Variants in ATP10B observed in about 807,000 individuals in gnomAD.
ATP10B encodes the protein ATPase phospholipid transporting 10B (putative).
Under a neutral mutation model 141.2 loss-of-function variants are expected in ATP10B, and 122 were observed. The ratio of observed to expected loss-of-function variants is 0.86; its 90% confidence interval spans 0.75 to 1.00. The LOEUF (loss-of-function observed/expected upper bound fraction) is 1.00. ATP10B is among the 50% of genes least tolerant of loss of function. The pLI is 0.00. For synonymous variants in ATP10B, 685 were observed against 692.0 expected (o/e 0.99, Z 0.16); for missense variants, 1,876 against 1,825.3 (o/e 1.03, Z -0.51).
intron 7 of ATP10B, among the ~76,000 whole-genome samples, chr5:160,664,303 G>A (rs1050422988): frequency 6.6e-6 from 1 of 152,162 alleles, no homozygotes; most frequent in Non-Finnish European, 1.5e-5. Flanking sequence ...GAACTGGGAA[G>A]GTAATAAATT....
intron 2 of ATP10B, among the ~76,000 whole-genome samples, chr5:160,724,115 G>A (rs1459242138): frequency 1.3e-5 from 2 of 152,046 alleles, no homozygotes; most frequent in Non-Finnish European, 2.9e-5. Flanking sequence ...CATACACTGG[G>A]GCCTATCGGA....
At chr5:160,568,790 C>CCAAGGCAAGG (rs759161795) in intron 25 of ATP10B, among the ~76,000 whole-genome samples, 4 of 152,098 alleles carry the variant, frequency 2.6e-5, no homozygotes, top group Admixed American at 1.3e-4. Context: ...AGAGTGAGCT[C>CCAAGGCAAGG]CAAGGCAAGG....
intron 1 of ATP10B, among the ~76,000 whole-genome samples, chr5:160,836,820 G>C (rs28688084): frequency 0.02 from 3,000 of 152,062 alleles, 103 homozygotes; most frequent in African/African-American, 0.066. Flanking sequence ...TTCATACCCA[G>C]TCTCTATCCA....
At chr5:160,893,273 G>A in the ATP10B span, among the ~76,000 whole-genome samples, 1 of 152,136 alleles carries the variant, frequency 6.6e-6, no homozygotes, top group Non-Finnish European at 1.5e-5. Flanking sequence ...CCCCTACAGA[G>A]CCAAACAAGC....
the ATP10B span, among the ~76,000 whole-genome samples, chr5:160,868,681 T>C: frequency 1.3e-5 from 2 of 152,074 alleles, no homozygotes; most frequent in African/African-American, 4.8e-5. Flanking sequence ...CCCCAAGTTC[T>C]GGGAAGGTAA....
intron 2 of ATP10B, among the ~76,000 whole-genome samples, chr5:160,753,249 A>G (rs1317582765): frequency 6.6e-6 from 1 of 152,154 alleles, no homozygotes. Flanking sequence ...CATACATACC[A>G]TGGGTGCAAC....
chr5:160,919,426 C>T, the ATP10B span, among the ~76,000 whole-genome samples: 1 of 151,944 alleles, frequency 6.6e-6, no homozygotes, highest in Non-Finnish European at 1.5e-5. Context: ...GTACTCAATC[C>T]AGTGGGAAGG....
At chr5:160,858,479 G>C in the ATP10B span, among the ~76,000 whole-genome samples, 18 of 151,820 alleles carry the variant, frequency 1.2e-4, 1 homozygote, top group Non-Finnish European at 2.4e-4. Flanking sequence ...TGTAAACTGT[G>C]TTCCTTGGAG....
intron 11 of ATP10B, among the ~76,000 whole-genome samples, chr5:160,635,349 G>T (rs60713557): frequency 0.012 from 1,805 of 152,150 alleles, 41 homozygotes; most frequent in African/African-American, 0.041. Context: ...GAGTGAGGAG[G>T]GGGAGAGGGC....
chr5:160,843,455 A>G (rs374181646), intron 1 of ATP10B, among the ~76,000 whole-genome samples: 1 of 152,158 alleles, frequency 6.6e-6, no homozygotes. Flanking sequence ...TTAGATGTCA[A>G]CAAAGAGGAG....
intron 22 of ATP10B, among the ~76,000 whole-genome samples, chr5:160,593,240 C>G (rs1005141453): frequency 6.6e-6 from 1 of 152,228 alleles, no homozygotes. Flanking sequence ...AACAATCAGA[C>G]AGCAGCATTC....
At chr5:160,778,607 G>A (rs1047040187) in intron 2 of ATP10B, among the ~76,000 whole-genome samples, 5 of 152,100 alleles carry the variant, frequency 3.3e-5, no homozygotes, top group African/African-American at 1.2e-4. Context: ...TCAGCTCTGG[G>A]CAAGACAATC....
At chr5:160,766,779 T>G (rs1769470345) in intron 2 of ATP10B, among the ~76,000 whole-genome samples, 1 of 152,186 alleles carries the variant, frequency 6.6e-6, no homozygotes, top group South Asian at 2.1e-4. Flanking sequence ...GATCTTAGAA[T>G]AAATAATCAT....
chr5:160,648,470 A>G (rs968096590), intron 8 of ATP10B, among the ~76,000 whole-genome samples: 3 of 152,190 alleles, frequency 2.0e-5, no homozygotes, highest in African/African-American at 7.2e-5. Context: ...ATTTACTCAC[A>G]TCTGTTACTA....
rs542360142 is a variant in ATP10B, at chr5:160,795,569, GAAT to G, written c.-575-9769_-575-9767del. ...CCATGTGCCAATCTTTGGAACCTATGAATTTTTTTTTTTTAATTTGGGAAAAGG... is the reference window on the plus strand; with the variant it reads ...CCATGTGCCAATCTTTGGAACCTATGTTTTTTTTTTTAATTTGGGAAAAGG... On this transcript the variant is annotated intron_variant, in intron 1 of 25. Coordinates refer to ENST00000327245, the MANE Select transcript of ATP10B (RefSeq NM_025153.3). 5.8e-4 allele frequency among the ~76,000 whole-genome samples: 32 copies of G among 55,500 alleles called. No homozygotes were observed. The South Asian group carries it at 0.029, about 50-fold the overall frequency. 36.4% of individuals were successfully genotyped at this position (55,500 alleles called of 152,430 possible).
chr5:160,680,842 G>A (rs543658915), intron 6 of ATP10B, among the ~76,000 whole-genome samples: 1 of 152,314 alleles, frequency 6.6e-6, no homozygotes, highest in East Asian at 1.9e-4. Flanking sequence ...ACTGAGATGT[G>A]AGGAGGCTCT....
intron 18 of ATP10B, among the ~76,000 whole-genome samples, chr5:160,608,551 G>T (rs927176008): frequency 1.3e-5 from 2 of 152,168 alleles, no homozygotes; most frequent in African/African-American, 4.8e-5. Context: ...CACCGATAGT[G>T]TAAAAGCATT....
At chr5:160,750,257 A>G (rs560130847) in intron 2 of ATP10B, among the ~76,000 whole-genome samples, 21 of 152,342 alleles carry the variant, frequency 1.4e-4, no homozygotes, top group African/African-American at 4.8e-4. Flanking sequence ...GACTCTGGAC[A>G]TGCCCATACA....
chr5:160,776,963 C>G (rs1770376302), intron 2 of ATP10B, among the ~76,000 whole-genome samples: 1 of 152,144 alleles, frequency 6.6e-6, no homozygotes, highest in Non-Finnish European at 1.5e-5. Context: ...TAGGTTGACA[C>G]TTTTGGGGAG....
Sources: gnomAD v4.1 joint callset for allele counts (sites outside exome capture counted in the v4.1 genomes callset) on GRCh38, gnomAD v4.1.1 for gene constraint, MANE v1.5 for transcripts, NCBI Gene and HGNC (gene_info 2026-07-23, HGNC 2026-07-21) for gene names.